SLC4A7: variants seen among roughly 807,000 people sequenced by gnomAD.
SLC4A7 encodes the protein sodium bicarbonate cotransporter 3.
Under a neutral mutation model 137.6 loss-of-function variants are expected in SLC4A7, and 51 were observed. The ratio of observed to expected loss-of-function variants is 0.37; its 90% CI spans 0.30 to 0.47. The LOEUF (loss-of-function observed/expected upper bound fraction) is 0.47, where lower values mean the gene tolerates loss of function less well. SLC4A7 is among the 20% of genes least tolerant of loss of function. The pLI, the probability that SLC4A7 is intolerant of heterozygous loss-of-function variation, is 1.00. For missense variants in SLC4A7, 1,247 were observed against 1,525.4 expected (o/e 0.82, Z 3.04); for synonymous variants, 542 against 518.6 (o/e 1.05, Z -0.61).
intron 20 of SLC4A7, among the ~76,000 whole-genome samples, chr3:27,393,052 C>G (rs762907722): frequency 2.2e-4 from 33 of 151,830 alleles, no homozygotes; most frequent in Non-Finnish European, 3.2e-4. Context: ...ATCTGTTTAG[C>G]TGGAGTTGAA....
intron 21 of SLC4A7, among the ~76,000 whole-genome samples, chr3:27,390,557 T>C (rs2051434435): frequency 6.6e-6 from 1 of 152,142 alleles, no homozygotes; most frequent in South Asian, 2.1e-4. Context: ...ACTGAGCAAA[T>C]GCCTTCATCT....
chr3:27,418,493 G>A lies in SLC4A7; in HGVS notation c.1652C>T (p.Pro551Leu). The change falls in exon 11 of 26, where the codon CCT becomes CTT. Residue 551 changes from proline to leucine, a missense_variant. Pro to Leu is a moderately conservative substitution (Grantham distance 98, BLOSUM62 -3). Transcript: ENST00000454389. ...SIRIEPPKSV[P>L]SQEKRKIPVF... Reference sequence around the variant, plus strand: ...ATAGCTCTGGATTCTTACCTGAGAAGGGACACTTTTTGGTGGTTCTATGCG... The same window carrying A: ...ATAGCTCTGGATTCTTACCTGAGAAAGGACACTTTTTGGTGGTTCTATGCG... 6.2e-7 allele frequency: 1 copy of A among 1,607,004 alleles called. No homozygotes were observed. Among genetic ancestry groups the A allele is most frequent in the Non-Finnish European group, 8.5e-7 (1 of 1,177,314 alleles).
Position 27,403,316 on chromosome 3 carries a change from A to C in SLC4A7, c.2144T>G (p.Val715Gly), listed in dbSNP as rs1488086660. Reference protein sequence around the residue: ...IGLWTSFLCIVLVATDASSLV... With the variant: ...IGLWTSFLCIGLVATDASSLV... ...GCTGCTTGCATCTGTTGCAACCAAA[A>C]CAATGCACAAAAAAGAAGTCCACAG... Residue 715 changes from valine (V) to glycine (G), a missense_variant, in exon 15 of 26, where the codon GTT becomes GGT. This residue lies in a region of SLC4A7 where 499 missense variants were observed against 664.2 expected (regional missense o/e 0.75). Coordinates refer to ENST00000454389, the MANE Select transcript of SLC4A7 (RefSeq NM_001321103.2). 1 of 1,613,548 alleles carries C rather than the reference A, an allele frequency of 6.2e-7. No individual in the cohort carries two copies. The highest frequency in any genetic ancestry group is 2.2e-5 in the East Asian group (1 of 44,850).
intron 3 of SLC4A7, among the ~76,000 whole-genome samples, chr3:27,448,075 G>C (rs192829968): frequency 2.4e-4 from 37 of 152,102 alleles, no homozygotes; most frequent in African/African-American, 8.2e-4. Context: ...ACCCTGGCAT[G>C]GTGGCGTGCG....
intron 7 of SLC4A7, among the ~76,000 whole-genome samples, chr3:27,425,369 C>CT (rs2055460972): frequency 4.1e-5 from 1 of 24,516 alleles, no homozygotes; most frequent in African/African-American, 2.5e-4. Context: ...AAACTCCGTC[C>CT]TAAAAAAAAA....
chr3:27,409,495 T>C lies in SLC4A7; in HGVS notation c.1802A>G (p.Lys601Arg), dbSNP rs1244101672. 3 of 1,613,406 alleles carry C rather than the reference T, an allele frequency of 1.9e-6. No homozygotes were observed. Among genetic ancestry groups the C allele is most frequent in the East Asian group, 2.2e-5 (1 of 44,844 alleles). The change falls in exon 13 of 26, where the codon AAA (lysine) becomes AGA (arginine). Residue 601 changes from lysine to arginine, a missense_variant. Around this residue, in one of 6 missense-constraint regions of SLC4A7, gnomAD observed 499 missense variants for 664.2 expected, o/e 0.75. Coordinates refer to ENST00000454389, the MANE Select transcript of SLC4A7 (RefSeq NM_001321103.2). ...GAAGTCACTCAAGAAAAAAGGTGCT[T>C]TCCTTTTGATGTCAAGTATCAAACC... ...FGGLILDIKR[K>R]APFFLSDFKD... is the part of the protein sequence containing the mutation.
chr3:27,398,168 A>T (rs1332539962), intron 17 of SLC4A7, 24 bp downstream of exon 17: 1 of 1,564,498 alleles, frequency 6.4e-7, no homozygotes, highest in Non-Finnish European at 8.7e-7. Context: ...TATTACCAGA[A>T]TTCCAAAATT....
chr3:27,413,679 C>T (rs2054118481), intron 11 of SLC4A7, among the ~76,000 whole-genome samples: 1 of 151,944 alleles, frequency 6.6e-6, no homozygotes, highest in African/African-American at 2.4e-5. Flanking sequence ...TTTTAAATGT[C>T]AATAAAAAAG....
intron 18 of SLC4A7, among the ~76,000 whole-genome samples, chr3:27,396,777 C>A (rs542730265): frequency 1.3e-5 from 2 of 152,192 alleles, no homozygotes; most frequent in African/African-American, 4.8e-5. Flanking sequence ...CAATGTCTTT[C>A]CTTTTAGCAT....
At chr3:27,444,663 C>T (rs909917752) in intron 3 of SLC4A7, among the ~76,000 whole-genome samples, 4 of 152,160 alleles carry the variant, frequency 2.6e-5, no homozygotes, top group African/African-American at 9.7e-5. Context: ...TTTGGGGCTT[C>T]CTCCTATTTT....
At chr3:27,431,159 GAA>G (rs914925559) in intron 7 of SLC4A7, 137 bp downstream of exon 7, 3 of 906,124 alleles carry the variant, frequency 3.3e-6, no homozygotes, top group Non-Finnish European at 4.6e-6. Flanking sequence ...CTATCATAAA[GAA>G]AAAAAAACAT....
chr3:27,403,223 T>C lies in SLC4A7; in HGVS notation c.2237A>G (p.Tyr746Cys), dbSNP rs752122278. The change falls in exon 15 of 26, where the codon TAC (tyrosine) becomes TGC (cysteine). Residue 746 changes from tyrosine (Y) to cysteine (C), a missense_variant. This residue lies in a region of SLC4A7 where 499 missense variants were observed against 664.2 expected (regional missense o/e 0.75). Transcript: ENST00000454389. Reference sequence around the variant, plus strand: ...ATCAAAGAGCTTCTCCAAAGCCTCGTAGATGAATATGATGCAAATAAGGGC... The same window carrying C: ...ATCAAAGAGCTTCTCCAAAGCCTCGCAGATGAATATGATGCAAATAAGGGC... ...FAALICIIFI[Y>C]EALEKLFDLG... 2 of 1,614,010 alleles carry C rather than the reference T, an allele frequency of 1.2e-6. No homozygotes were observed.
chr3:27,461,541 G>C (rs1287173569), intron 1 of SLC4A7, among the ~76,000 whole-genome samples: 1 of 150,774 alleles, frequency 6.6e-6, no homozygotes, highest in African/African-American at 2.4e-5. Context: ...GTAGACCAAG[G>C]CTGGAGGATG....
Position 27,383,312 on chromosome 3 carries a change from A to G in SLC4A7, c.3493-62T>C, listed in dbSNP as rs2050616124. Reference sequence around the variant, plus strand: ...GAATATTTTCCAAGAGAATTGACTAATTTATAACATTTTACAGACTTAGAA... The same window carrying G: ...GAATATTTTCCAAGAGAATTGACTAGTTTATAACATTTTACAGACTTAGAA... On this transcript the variant is annotated intron_variant, in intron 23 of 25. Coordinates refer to ENST00000454389, the MANE Select transcript of SLC4A7 (RefSeq NM_001321103.2). The G allele has an allele frequency of 6.9e-6, 8 of 1,154,792 alleles. 1 individual carries two copies. In the East Asian group the frequency reaches 1.9e-4, roughly 27 times the overall value. The allele number at this position is 1,154,792 out of a possible 1,614,324, so 71.5% of individuals were successfully genotyped here. A position where few individuals can be genotyped will look rare whatever the true frequency, so the allele number is the denominator to read the frequency against.
rs936796528 is a variant in SLC4A7, at chr3:27,446,861, T to C, written c.289+1790A>G. Among the ~76,000 whole-genome samples the C allele has an allele frequency of 2.7e-5, 4 of 146,708 alleles. No individual in the cohort carries two copies. In the South Asian group the frequency reaches 6.5e-4, roughly 24 times the overall value. On this transcript the variant is annotated intron_variant, in intron 3 of 25. Transcript: ENST00000454389. ...TTACTAGGTCATCAGTATCTCTTAG[T>C]AGAGTTTTTTTTTGTTTTTTTTTGT...
rs559337994 is a variant in SLC4A7 at position 27,420,590 on chromosome 3, G to A, written c.1512+110C>T. The stretch of plus-strand genomic sequence containing the variant: ...TGAGATAAAACAGTATACACAGCAA[G>A]GAAAAGTTTTAGAGCTTCACTATGA... On this transcript the variant is annotated intron_variant, in intron 10 of 25. Transcript: ENST00000454389. 4 of 622,226 alleles carry A rather than the reference G, an allele frequency of 6.4e-6. No homozygotes were observed. The South Asian group carries it at 1.6e-4, about 24-fold the overall frequency. The allele number at this position is 622,226 out of a possible 1,614,324, so 38.5% of individuals were successfully genotyped here.
intron 23 of SLC4A7, 39 bp from the exon 24 acceptor site, chr3:27,383,289 ATAT>A (rs751558353): frequency 2.9e-6 from 4 of 1,384,136 alleles, no homozygotes; most frequent in Non-Finnish European, 4.1e-6. Flanking sequence ...TTTTCCCAGA[ATAT>A]TTTCCAAGAG....
At chr3:27,442,260 T>C (rs1404775987) in intron 3 of SLC4A7, among the ~76,000 whole-genome samples, 2 of 152,202 alleles carry the variant, frequency 1.3e-5, no homozygotes, top group South Asian at 2.1e-4. Flanking sequence ...TTATCTTTTA[T>C]ATTAAATATT....
At chr3:27,402,693 C>G (rs1413778053) in intron 15 of SLC4A7, among the ~76,000 whole-genome samples, 1 of 83,608 alleles carries the variant, frequency 1.2e-5, no homozygotes, top group Admixed American at 1.4e-4. Flanking sequence ...AGAGAGACTC[C>G]GTCTCCAAAA....
Sources: allele counts gnomAD v4.1 joint callset (sites outside exome capture counted in the v4.1 genomes callset), GRCh38; gene constraint gnomAD v4.1.1; regional missense constraint gnomAD v4.1.1; transcripts MANE v1.5; gene names NCBI Gene and HGNC (gene_info 2026-07-23, HGNC 2026-07-21).